The following GRM7 variants were observed in gnomAD, a reference collection of about 807,000 sequenced individuals.
The protein encoded by GRM7 is metabotropic glutamate receptor 7.
A neutral mutation model predicts 84.5 loss-of-function variants in GRM7; 35 were observed. That is an observed-to-expected ratio of 0.41 (90% CI 0.32 to 0.55). The LOEUF (loss-of-function observed/expected upper bound fraction) is 0.55, where lower values mean the gene tolerates loss of function less well. Among genes scored for constraint, GRM7 ranks in the 20% least tolerant of loss-of-function variants. The probability of loss-of-function intolerance (pLI) is 0.19; values close to 1 mark genes in which losing one functional copy is unlikely to be tolerated. For synonymous variants in GRM7, 487 were observed against 455.1 expected (o/e 1.07, Z -0.89); for missense variants, 1,003 against 1,194.6 (o/e 0.84, Z 2.36).
intron 1 of GRM7, among the ~76,000 whole-genome samples, chr3:6,864,932 A>C (rs1042881923): frequency 6.6e-6 from 1 of 152,214 alleles, no homozygotes; most frequent in African/African-American, 2.4e-5. Flanking sequence ...ACCAGATTGA[A>C]GACATAAGCT....
intron 8 of GRM7, among the ~76,000 whole-genome samples, chr3:7,626,818 G>A (rs1267621798): frequency 1.3e-5 from 2 of 152,002 alleles, no homozygotes; most frequent in Non-Finnish European, 1.5e-5. Context: ...ATGAATTTGG[G>A]GCAACACAAT....
intron 2 of GRM7, among the ~76,000 whole-genome samples, chr3:7,241,250 T>C (rs920905009): frequency 2.0e-5 from 3 of 152,202 alleles, no homozygotes; most frequent in Non-Finnish European, 4.4e-5. Context: ...TAAATTTCTA[T>C]ATGGAATGTG....
chr3:7,535,303 G>T (rs1701201025), intron 7 of GRM7: 1 of 151,638 alleles, frequency 6.6e-6, no homozygotes, highest in Non-Finnish European at 1.5e-5. Context: ...AAAGAAAAAA[G>T]AAAAAGAAAA....
intron 1 of GRM7, among the ~76,000 whole-genome samples, chr3:6,908,123 C>T (rs1011531496): frequency 6.6e-6 from 1 of 152,134 alleles, no homozygotes; most frequent in African/African-American, 2.4e-5. Flanking sequence ...AGAAAATATT[C>T]CAGCTACAGA....
intron 8 of GRM7, among the ~76,000 whole-genome samples, chr3:7,669,869 C>CAGAGACAACACACGGCA (rs1224583056): frequency 1.3e-5 from 2 of 151,882 alleles, no homozygotes; most frequent in African/African-American, 4.9e-5. Flanking sequence ...TCTCACTGTT[C>CAGAGACAACACACGGCA]CATTTAGAGG....
intron 7 of GRM7, among the ~76,000 whole-genome samples, chr3:7,539,730 C>T (rs1253843606): frequency 6.7e-6 from 1 of 148,492 alleles, no homozygotes; most frequent in Non-Finnish European, 1.5e-5. Flanking sequence ...CTGGGAAAAG[C>T]AGACCACTGA....
At chr3:6,972,800 C>G (rs1392578760) in intron 1 of GRM7, among the ~76,000 whole-genome samples, 1 of 152,286 alleles carries the variant, frequency 6.6e-6, no homozygotes, top group South Asian at 2.1e-4. Context: ...CCCAAAATAG[C>G]TTGACTTTAT....
At chr3:7,163,763 C>T (rs1473485581) in intron 2 of GRM7, among the ~76,000 whole-genome samples, 4 of 152,132 alleles carry the variant, frequency 2.6e-5, no homozygotes, top group Non-Finnish European at 5.9e-5. Flanking sequence ...AAGCAATGTT[C>T]CAAGACCTTG....
chr3:7,244,648 C>G (rs1697689460), intron 2 of GRM7, among the ~76,000 whole-genome samples: 1 of 152,084 alleles, frequency 6.6e-6, no homozygotes, highest in Admixed American at 6.6e-5. Context: ...AACCAAACTC[C>G]CACAAGATTA....
intron 4 of GRM7, among the ~76,000 whole-genome samples, chr3:7,362,456 T>G (rs1279918439): frequency 3.3e-5 from 5 of 152,100 alleles, no homozygotes; most frequent in Non-Finnish European, 7.4e-5. Flanking sequence ...AATATTGATA[T>G]GAGATGTAAA....
intron 7 of GRM7, among the ~76,000 whole-genome samples, chr3:7,495,589 A>C (rs1259123901): frequency 6.6e-6 from 1 of 152,136 alleles, no homozygotes; most frequent in East Asian, 1.9e-4. Flanking sequence ...TCTCAAGAGA[A>C]AAAAAGAATC....
chr3:7,580,431 C>G (rs1695193998), intron 8 of GRM7, among the ~76,000 whole-genome samples: 1 of 152,248 alleles, frequency 6.6e-6, no homozygotes, highest in Non-Finnish European at 1.5e-5. Context: ...ATGGGAAAAA[C>G]AGGGATTGAT....
chr3:6,869,279 T>C (rs981293698), intron 1 of GRM7, among the ~76,000 whole-genome samples: 3 of 152,140 alleles, frequency 2.0e-5, no homozygotes, highest in African/African-American at 7.2e-5. Flanking sequence ...CTTTCACCAA[T>C]TTTCTTATCT....
At chr3:7,121,318 C>G (rs1223800606) in intron 1 of GRM7, among the ~76,000 whole-genome samples, 1 of 144,790 alleles carries the variant, frequency 6.9e-6, no homozygotes, top group Non-Finnish European at 1.5e-5. Context: ...TTGAGCCATC[C>G]TCCCATCCAT....
At chr3:7,018,910 A>T (rs1226091421) in intron 1 of GRM7, among the ~76,000 whole-genome samples, 1 of 152,206 alleles carries the variant, frequency 6.6e-6, no homozygotes, top group Non-Finnish European at 1.5e-5. Context: ...CAGCCTGGCC[A>T]GCATGGTGAA....
At chr3:6,958,427 G>A (rs1693156525) in intron 1 of GRM7, among the ~76,000 whole-genome samples, 1 of 152,136 alleles carries the variant, frequency 6.6e-6, no homozygotes, top group Non-Finnish European at 1.5e-5. Context: ...CTGTTCACCT[G>A]CTGATGGACA....
At chr3:6,948,017 A>G (rs920641413) in intron 1 of GRM7, among the ~76,000 whole-genome samples, 2 of 152,076 alleles carry the variant, frequency 1.3e-5, no homozygotes, top group South Asian at 2.1e-4. Context: ...TCCTGGATTC[A>G]TTGATTTTTT....
chr3:7,636,177 T>C, intron 8 of GRM7: 1 of 456,468 alleles, frequency 2.2e-6, no homozygotes, highest in Non-Finnish European at 4.4e-6. Context: ...TCCACTAGGC[T>C]AACTTCTACT....
intron 5 of GRM7, among the ~76,000 whole-genome samples, chr3:7,441,128 TC>T (rs1206601981): frequency 6.6e-6 from 1 of 152,172 alleles, no homozygotes; most frequent in African/African-American, 2.4e-5. Context: ...GTATAAGCAT[TC>T]CTTTTTTTTC....
Sources: allele counts gnomAD v4.1 joint callset (sites outside exome capture counted in the v4.1 genomes callset), GRCh38; gene constraint gnomAD v4.1.1; transcripts MANE v1.5; gene names NCBI Gene and HGNC (gene_info 2026-07-23, HGNC 2026-07-21).